Variants in LGSN observed in about 807,000 individuals in gnomAD.
LGSN encodes the protein lengsin.
A neutral mutation model predicts 19.5 loss-of-function variants in LGSN; 21 were observed. That is an observed-to-expected ratio of 1.07 (90% CI 0.76 to 1.55). The LOEUF is 1.55. Ranked by LOEUF, LGSN falls within the 40% of genes most tolerant of loss-of-function variation. LGSN has a pLI of 0.00. For missense variants in LGSN, 673 were observed against 608.5 expected (o/e 1.11, Z -1.12); for synonymous variants, 257 against 215.6 (o/e 1.19, Z -1.68).
At chr6:63,453,073 A>C in the LGSN span, among the ~76,000 whole-genome samples, 2 of 152,118 alleles carry the variant, frequency 1.3e-5, no homozygotes, top group Non-Finnish European at 2.9e-5. Flanking sequence ...CATAGTGTTT[A>C]GTTTTTTAAT....
At chr6:63,499,698 G>A in the LGSN span, among the ~76,000 whole-genome samples, 1 of 152,000 alleles carries the variant, frequency 6.6e-6, no homozygotes, top group Non-Finnish European at 1.5e-5. Context: ...CTGATAATGT[G>A]TTTTATGTCG....
At chr6:63,281,421 A>AG (rs1450376128) in intron 3 of LGSN, among the ~76,000 whole-genome samples, 5 of 150,046 alleles carry the variant, frequency 3.3e-5, no homozygotes, top group Non-Finnish European at 4.4e-5. Flanking sequence ...AAACCCCCAA[A>AG]GGCAACTTTA....
At chr6:63,552,076 T>G in the LGSN span, among the ~76,000 whole-genome samples, 8 of 152,190 alleles carry the variant, frequency 5.3e-5, no homozygotes, top group African/African-American at 1.7e-4. Context: ...GATGGCTGGG[T>G]CAAATGGTAT....
the LGSN span, among the ~76,000 whole-genome samples, chr6:63,511,696 A>G: frequency 6.6e-6 from 1 of 152,236 alleles, no homozygotes; most frequent in Non-Finnish European, 1.5e-5. Context: ...TTTCTGAAAC[A>G]GAGCTTATTA....
the LGSN span, among the ~76,000 whole-genome samples, chr6:63,339,751 C>T: frequency 6.6e-6 from 1 of 151,942 alleles, no homozygotes; most frequent in Non-Finnish European, 1.5e-5. Context: ...ATCTTTTGTT[C>T]CTTTCTTCCT....
chr6:63,315,903 G>A (rs1405468804), intron 1 of LGSN, among the ~76,000 whole-genome samples: 2 of 150,964 alleles, frequency 1.3e-5, no homozygotes, highest in African/African-American at 2.4e-5. Flanking sequence ...CATTTCAAGT[G>A]AGAGTTCAAT....
chr6:63,430,130 G>A, the LGSN span, among the ~76,000 whole-genome samples: 10 of 152,178 alleles, frequency 6.6e-5, no homozygotes, highest in African/African-American at 2.4e-4. Context: ...GAGGGTGTGT[G>A]TTGAGTGAAA....
the LGSN span, among the ~76,000 whole-genome samples, chr6:63,353,608 GA>G: frequency 8.4e-6 from 1 of 118,406 alleles, no homozygotes; most frequent in Non-Finnish European, 1.8e-5. Context: ...AAAAAAAAAA[GA>G]AAAAATAATG....
intron 2 of LGSN, among the ~76,000 whole-genome samples, chr6:63,286,935 A>G (rs1767563160): frequency 1.3e-5 from 2 of 152,246 alleles, no homozygotes; most frequent in Admixed American, 1.3e-4. Context: ...AAATGCATAA[A>G]GTGAGTACAA....
chr6:63,344,509 C>G, the LGSN span, among the ~76,000 whole-genome samples: 448 of 152,162 alleles, frequency 2.9e-3, 3 homozygotes, highest in African/African-American at 0.01. Context: ...CAAGAAACAA[C>G]AGATCCTACT....
the LGSN span, among the ~76,000 whole-genome samples, chr6:63,374,955 C>T: frequency 7.2e-4 from 110 of 152,212 alleles, no homozygotes; most frequent in Middle Eastern, 3.4e-3. Context: ...AAAAAAGTTG[C>T]TGATAATAAA....
At chr6:63,373,061 T>C in the LGSN span, among the ~76,000 whole-genome samples, 8 of 152,184 alleles carry the variant, frequency 5.3e-5, no homozygotes, top group African/African-American at 1.9e-4. Flanking sequence ...CATAAAATAA[T>C]CTATCAAAGA....
chr6:63,520,982 A>G, the LGSN span, among the ~76,000 whole-genome samples: 1 of 152,140 alleles, frequency 6.6e-6, no homozygotes, highest in Non-Finnish European at 1.5e-5. Context: ...CTAACACAGG[A>G]ACAGGAAACC....
chr6:63,372,354 T>C, the LGSN span, among the ~76,000 whole-genome samples: 1 of 152,216 alleles, frequency 6.6e-6, no homozygotes, highest in East Asian at 1.9e-4. Context: ...CCTAGGGCTC[T>C]GTACCCACAA....
the LGSN span, among the ~76,000 whole-genome samples, chr6:63,390,449 A>C: frequency 6.6e-6 from 1 of 151,714 alleles, no homozygotes; most frequent in South Asian, 2.1e-4. Context: ...AATTTTGATC[A>C]ACTATTATTT....
the LGSN span, among the ~76,000 whole-genome samples, chr6:63,412,722 A>AAGGAAGGAAG: frequency 1.8e-4 from 7 of 38,020 alleles, no homozygotes; most frequent in African/African-American, 8.7e-4. Flanking sequence ...AAGGAAGGAA[A>AAGGAAGGAAG]GAAAGAAAGA....
the LGSN span, among the ~76,000 whole-genome samples, chr6:63,546,355 G>A: frequency 1.3e-5 from 2 of 152,192 alleles, no homozygotes; most frequent in Non-Finnish European, 2.9e-5. Flanking sequence ...GCAGAGAGTA[G>A]AATGGTGGTT....
At chr6:63,313,485 T>C (rs1188626509) in intron 1 of LGSN, among the ~76,000 whole-genome samples, 3 of 152,092 alleles carry the variant, frequency 2.0e-5, no homozygotes, top group Non-Finnish European at 2.9e-5. Context: ...GGGGAGTACA[T>C]AGAGGTTCAA....
chr6:63,444,866 C>G, the LGSN span, among the ~76,000 whole-genome samples: 2 of 152,154 alleles, frequency 1.3e-5, no homozygotes, highest in Non-Finnish European at 2.9e-5. Context: ...GCTGACTGTG[C>G]TTGAGTCCAA....
Sources: gnomAD v4.1 joint callset for allele counts (sites outside exome capture counted in the v4.1 genomes callset) on GRCh38, gnomAD v4.1.1 for gene constraint, MANE v1.5 for transcripts, NCBI Gene and HGNC (gene_info 2026-07-23, HGNC 2026-07-21) for gene names.